Variants in SIRPA observed in about 807,000 individuals in gnomAD.
SIRPA encodes the protein tyrosine-protein phosphatase non-receptor type substrate 1.
A neutral mutation model predicts 50.3 loss-of-function variants in SIRPA; 9 were observed. The ratio of observed to expected loss-of-function variants is 0.18; its 90% confidence interval spans 0.11 to 0.31. SIRPA has a LOEUF of 0.31. Among genes scored for constraint, SIRPA ranks in the 10% least tolerant of loss-of-function variants. The pLI, the probability that SIRPA is intolerant of heterozygous loss-of-function variation, is 1.00. For synonymous variants in SIRPA, 265 were observed against 284.1 expected (o/e 0.93, Z 0.68); for missense variants, 474 against 661.6 (o/e 0.72, Z 3.11).
chr20:1,914,542 T>G, intron 1 of SIRPA, among the ~76,000 whole-genome samples: 1 of 147,694 alleles, frequency 6.8e-6, no homozygotes, highest in Non-Finnish European at 1.5e-5. Context: ...TCAAACACAC[T>G]GGCACGAGTC....
Position 1,937,170 on chromosome 20 carries a change from C to A in SIRPA, c.1267-150C>A. On this transcript the variant is annotated intron_variant, in intron 7 of 7. Coordinates refer to ENST00000358771, the MANE Select transcript of SIRPA (RefSeq NM_001040023.2). The surrounding 1 kb of genome is among the most constrained non-coding windows in gnomAD (Gnocchi z 8.3). ...CAAGGCTGGAGGCAAGTAACGTTGGCAAGAGATGAGGGGAACATGACTTAT... is the reference window on the plus strand; with the variant it reads ...CAAGGCTGGAGGCAAGTAACGTTGGAAAGAGATGAGGGGAACATGACTTAT... The A allele has an allele frequency of 2.2e-6, 2 of 928,516 alleles. No individual in the cohort carries two copies. Among genetic ancestry groups the A allele is most frequent in the Non-Finnish European group, 3.2e-6 (2 of 622,560 alleles). 57.5% of individuals were successfully genotyped at this position (928,516 alleles called of 1,614,324 possible). A position where few individuals can be genotyped will look rare whatever the true frequency, so the allele number is the denominator to read the frequency against.
intron 1 of SIRPA, among the ~76,000 whole-genome samples, chr20:1,899,169 C>T (rs1428093852): frequency 6.6e-6 from 1 of 151,838 alleles, no homozygotes; most frequent in African/African-American, 2.4e-5. Flanking sequence ...ATGTCACTCC[C>T]CAGCTCAAAA....
In SIRPA at chr20:1,927,914, G is replaced by A. The variant is rs749344286; in HGVS notation, c.1226+15G>A. 1.2e-6 allele frequency: 2 copies of A among 1,611,460 alleles called. No individual in the cohort carries two copies. Among genetic ancestry groups the A allele is most frequent in the Non-Finnish European group, 1.7e-6 (2 of 1,177,568 alleles). On this transcript the variant is annotated intron_variant, in intron 6 of 7. Coordinates refer to ENST00000358771, the MANE Select transcript of SIRPA (RefSeq NM_001040023.2). The surrounding 1 kb of genome is among the most constrained non-coding windows in gnomAD (Gnocchi z 6.5). The stretch of plus-strand genomic sequence containing the variant: ...TCTTCTACAAGGTAAGTGCATCATT[G>A]GTCCAGACCCTCTTGCAGTTATTAT...
chr20:1,918,458 C>T (rs897057943), intron 2 of SIRPA, among the ~76,000 whole-genome samples: 1 of 151,184 alleles, frequency 6.6e-6, no homozygotes, highest in Non-Finnish European at 1.5e-5. Context: ...GTGATCCCCC[C>T]ACCTCGGCCT....
At chr20:1,923,542 G>A (rs925678283) in intron 4 of SIRPA, among the ~76,000 whole-genome samples, 1 of 152,192 alleles carries the variant, frequency 6.6e-6, no homozygotes, top group Non-Finnish European at 1.5e-5. Flanking sequence ...GCCAATGCTG[G>A]GTTTTCATAG....
chr20:1,920,468 G>A (rs1489923612), intron 2 of SIRPA, among the ~76,000 whole-genome samples: 2 of 152,208 alleles, frequency 1.3e-5, no homozygotes, highest in East Asian at 3.8e-4. Context: ...AACAGCCCGC[G>A]TTCTGATTCA....
chr20:1,914,316 A>C (rs1373378945), intron 1 of SIRPA, among the ~76,000 whole-genome samples: 2 of 152,230 alleles, frequency 1.3e-5, no homozygotes, highest in African/African-American at 4.8e-5. Flanking sequence ...GTTTCAAACC[A>C]GGTCCGATGA....
Position 1,937,276 on chromosome 20 carries a change from G to T in SIRPA, c.1267-44G>T. ...TTGAGTGAGTGGGCCAGGGGCTATAGAATGACCTTCTCATGACTTTCTCTT... is the reference window on the plus strand; with the variant it reads ...TTGAGTGAGTGGGCCAGGGGCTATATAATGACCTTCTCATGACTTTCTCTT... On this transcript the variant is annotated intron_variant, in intron 7 of 7. Coordinates refer to ENST00000358771, the MANE Select transcript of SIRPA (RefSeq NM_001040023.2). The surrounding 1 kb of genome is among the most constrained non-coding windows in gnomAD (Gnocchi z 8.3). The T allele has an allele frequency of 6.3e-7, 1 of 1,590,876 alleles. No individual in the cohort carries two copies. Among genetic ancestry groups the T allele is most frequent in the South Asian group, 1.1e-5 (1 of 87,828 alleles).
At chr20:1,900,476 A>T (rs534803322) in intron 1 of SIRPA, among the ~76,000 whole-genome samples, 162 of 152,230 alleles carry the variant, frequency 1.1e-3, no homozygotes, top group African/African-American at 2.7e-3. Flanking sequence ...GTTACTAGGG[A>T]CTGAGTGCTG....
chr20:1,897,901 T>C (rs1211614508), intron 1 of SIRPA, among the ~76,000 whole-genome samples: 1 of 152,218 alleles, frequency 6.6e-6, no homozygotes, highest in Non-Finnish European at 1.5e-5. Flanking sequence ...GCCTGTTTCC[T>C]AAAACAACTG....
chr20:1,933,409 C>CG lies in SIRPA; in HGVS notation c.1227-1306_1227-1305insG, dbSNP rs1341884509. ...ACATAACATCAAATGCCACCCCCCCCCCGAAATATCTGGTGGGCAGATGAG... is the reference window on the plus strand; with the variant it reads ...ACATAACATCAAATGCCACCCCCCCCGCCGAAATATCTGGTGGGCAGATGAG... On this transcript the variant is annotated intron_variant, in intron 6 of 7. Transcript: ENST00000358771. The surrounding 1 kb of genome is among the most constrained non-coding windows in gnomAD (Gnocchi z 4.4). Among the ~76,000 whole-genome samples the CG allele has an allele frequency of 4.0e-5, 6 of 151,264 alleles. No individual in the cohort carries two copies. The highest frequency in any genetic ancestry group is 2.1e-4 in the South Asian group (1 of 4,714).
In SIRPA at chr20:1,940,459, T is replaced by C. The variant is rs1986800957; in HGVS notation, c.*2891T>C. 2 of 152,220 alleles carry C rather than the reference T, an allele frequency of 1.3e-5. No homozygotes were observed. Among genetic ancestry groups the C allele is most frequent in the African/African-American group, 4.8e-5 (2 of 41,444 alleles). 9.4% of individuals were successfully genotyped at this position (152,220 alleles called of 1,614,324 possible). On this transcript the variant is annotated 3_prime_UTR_variant, in exon 8 of 8. Transcript: ENST00000358771. Reference sequence around the variant, plus strand: ...TCTAATGCTTGTCCTGTAATATCCTTGCCAGATGACTGATGTCAAGTGCTG... The same window carrying C: ...TCTAATGCTTGTCCTGTAATATCCTCGCCAGATGACTGATGTCAAGTGCTG...
chr20:1,918,221 G>T (rs771995224), intron 2 of SIRPA, among the ~76,000 whole-genome samples: 25 of 151,736 alleles, frequency 1.6e-4, no homozygotes, highest in Non-Finnish European at 5.9e-5. Flanking sequence ...TTTTTGAGAT[G>T]GAGTTTCACT....
In SIRPA at chr20:1,932,277, A is replaced by G. The variant is rs543132673; in HGVS notation, c.1227-2438A>G. 6.6e-6 allele frequency among the ~76,000 whole-genome samples: 1 copy of G among 152,266 alleles called. No individual in the cohort carries two copies. The highest frequency in any genetic ancestry group is 1.5e-5 in the Non-Finnish European group (1 of 68,022). Reference sequence around the variant, plus strand: ...CTGACTAGATAAAATGAAGCCAGGTATGGGATAGAGCAGATCAAGGAGGTG... The same window carrying G: ...CTGACTAGATAAAATGAAGCCAGGTGTGGGATAGAGCAGATCAAGGAGGTG... On this transcript the variant is annotated intron_variant, in intron 6 of 7. Coordinates refer to ENST00000358771, the MANE Select transcript of SIRPA (RefSeq NM_001040023.2). The surrounding 1 kb of genome is among the most constrained non-coding windows in gnomAD (Gnocchi z 6.0).
Position 1,919,034 on chromosome 20 carries a change from C to T in SIRPA, c.437-2361C>T, listed in dbSNP as rs151213186. On this transcript the variant is annotated intron_variant, in intron 2 of 7. Coordinates refer to ENST00000358771, the MANE Select transcript of SIRPA (RefSeq NM_001040023.2). Reference sequence around the variant, plus strand: ...GGACCGAATGAGTTAAATCCTGTAGCGTGCTTAGGGCAGCAGGCGCCTGGC... The same window carrying T: ...GGACCGAATGAGTTAAATCCTGTAGTGTGCTTAGGGCAGCAGGCGCCTGGC... Among the ~76,000 whole-genome samples the T allele has an allele frequency of 8.0e-3, 1,217 of 152,340 alleles. 9 individuals are homozygous for T. The highest frequency in any genetic ancestry group is 0.051 in the Middle Eastern group (15 of 294).
chr20:1,904,875 G>A (rs560760752), intron 1 of SIRPA, among the ~76,000 whole-genome samples: 2 of 152,228 alleles, frequency 1.3e-5, no homozygotes, highest in South Asian at 2.1e-4. Flanking sequence ...TCCTCTGGGA[G>A]GAGAGGCCAT....
chr20:1,930,062 G>C (rs1986213317), intron 6 of SIRPA, among the ~76,000 whole-genome samples: 1 of 152,040 alleles, frequency 6.6e-6, no homozygotes, highest in Non-Finnish European at 1.5e-5. Flanking sequence ...CCCTGCCCCT[G>C]CTCATGCACT....
chr20:1,924,796 A>G lies in SIRPA; in HGVS notation c.1120A>G (p.Ile374Val). The change falls in exon 5 of 8, where the codon ATT (isoleucine) becomes GTT (valine). Residue 374 changes from isoleucine to valine, a missense_variant. Coordinates refer to ENST00000358771, the MANE Select transcript of SIRPA (RefSeq NM_001040023.2). This position sits in a 1 kb window ranked among gnomAD's most constrained non-coding sequence, Gnocchi z 4.5. ...TGGATCTAATGAACGGAACATCTAT[A>G]TTGTGGTGGGTGTGGTGTGCACCTT... ...NTGSNERNIY[I>V]VVGVVCTLLV... 6.2e-7 allele frequency: 1 copy of G among 1,614,114 alleles called. No homozygotes were observed. The highest frequency in any genetic ancestry group is 8.5e-7 in the Non-Finnish European group (1 of 1,180,014).
intron 2 of SIRPA, among the ~76,000 whole-genome samples, chr20:1,920,549 T>C (rs1985588369): frequency 6.6e-6 from 1 of 152,188 alleles, no homozygotes; most frequent in African/African-American, 2.4e-5. Flanking sequence ...GTGTAATTAA[T>C]TGATAATTAA....
Sources: allele counts gnomAD v4.1 joint callset (sites outside exome capture counted in the v4.1 genomes callset), GRCh38; gene constraint gnomAD v4.1.1; non-coding constraint Gnocchi (gnomAD v3.1); transcripts MANE v1.5; gene names NCBI Gene and HGNC (gene_info 2026-07-23, HGNC 2026-07-21).